KIAA0930: variants seen among roughly 807,000 people sequenced by gnomAD.
The protein encoded by KIAA0930 is uncharacterized protein KIAA0930.
A neutral mutation model predicts 43.9 loss-of-function variants in KIAA0930; 24 were observed. That is an observed-to-expected ratio of 0.55 (90% CI 0.40 to 0.77). The LOEUF (loss-of-function observed/expected upper bound fraction) is 0.77, where lower values mean the gene tolerates loss of function less well. Among genes scored for constraint, KIAA0930 ranks in the 30% least tolerant of loss-of-function variants. The pLI, the probability that KIAA0930 is intolerant of heterozygous loss-of-function variation, is 0.00. For missense variants in KIAA0930, 461 were observed against 574.2 expected (o/e 0.80, Z 2.02); for synonymous variants, 259 against 216.4 (o/e 1.20, Z -1.73).
At chr22:45,237,941 GAC>G (rs2083896774) in intron 1 of KIAA0930, among the ~76,000 whole-genome samples, 2 of 147,324 alleles carry the variant, frequency 1.4e-5, no homozygotes, top group South Asian at 4.3e-4. Flanking sequence ...TTTTTTTTGA[GAC>G]AGAGTCTCAC....
rs1379277363 is a variant in KIAA0930, at chr22:45,193,003, A to G, written c.*4173T>C. ...TCACGTGGCACTCTGGCCACTGCTG[A>G]AGAGCTGCTCTCCCTCGAAGGGCAG... On this transcript the variant is annotated 3_prime_UTR_variant, in exon 10 of 10. Coordinates refer to ENST00000336156, the MANE Select transcript of KIAA0930 (RefSeq NM_001009880.2). 6.6e-6 allele frequency: 1 copy of G among 152,214 alleles called. No homozygotes were observed. The highest frequency in any genetic ancestry group is 2.4e-5 in the African/African-American group (1 of 41,462). The allele number at this position is 152,214 out of a possible 1,614,324, so 9.4% of individuals were successfully genotyped here. A position where few individuals can be genotyped will look rare whatever the true frequency, so the allele number is the denominator to read the frequency against.
intron 1 of KIAA0930, among the ~76,000 whole-genome samples, chr22:45,213,881 G>A (rs1601818043): frequency 6.6e-6 from 1 of 152,264 alleles, no homozygotes. Context: ...ATGGTGGCGG[G>A]TGCCTGTAAT....
intron 1 of KIAA0930, among the ~76,000 whole-genome samples, chr22:45,219,585 T>G (rs977397918): frequency 3.5e-5 from 3 of 85,640 alleles, no homozygotes; most frequent in African/African-American, 1.3e-4. Context: ...GGTGATTGTT[T>G]TTTTTTTTTT....
At chr22:45,204,645 G>A (rs1365619831) in intron 5 of KIAA0930, among the ~76,000 whole-genome samples, 2 of 151,912 alleles carry the variant, frequency 1.3e-5, no homozygotes, top group African/African-American at 4.8e-5. Context: ...CCCCGACCAG[G>A]GCCTCAACAG....
chr22:45,198,685 T>C (rs2083559021), intron 8 of KIAA0930, among the ~76,000 whole-genome samples: 2 of 150,044 alleles, frequency 1.3e-5, no homozygotes, highest in South Asian at 4.6e-4. Context: ...GGAATCTCAC[T>C]CTTGCCCAGG....
chr22:45,213,250 A>G lies in KIAA0930; in HGVS notation c.65-1143T>C, dbSNP rs2083709905. Reference sequence around the variant, plus strand: ...AGAACCAGGACTCACAGCCAGCCCCAGCCCTCGGCCCTCAGCCCTCAGCCC... The same window carrying G: ...AGAACCAGGACTCACAGCCAGCCCCGGCCCTCGGCCCTCAGCCCTCAGCCC... On this transcript the variant is annotated intron_variant, in intron 1 of 9. Transcript: ENST00000336156. The G allele has an allele frequency of 4.9e-6, 6 of 1,212,130 alleles. 1 individual carries two copies. The highest frequency in any genetic ancestry group is 6.6e-6 in the Non-Finnish European group (6 of 914,680). 75.1% of individuals were successfully genotyped at this position (1,212,130 alleles called of 1,614,324 possible).
intron 8 of KIAA0930, among the ~76,000 whole-genome samples, chr22:45,198,981 C>A (rs1006580696): frequency 3.3e-5 from 5 of 152,192 alleles, no homozygotes; most frequent in African/African-American, 1.2e-4. Context: ...TCAACAGACA[C>A]GCACACAGTG....
intron 1 of KIAA0930, among the ~76,000 whole-genome samples, chr22:45,237,956 T>C (rs1447211899): frequency 6.6e-6 from 1 of 151,666 alleles, no homozygotes; most frequent in Non-Finnish European, 1.5e-5. Flanking sequence ...AGTCTCACTC[T>C]GTAGCCCAGG....
rs1015213383 is a variant in KIAA0930 at position 45,192,598 on chromosome 22, C to T, written c.*4578G>A. The stretch of plus-strand genomic sequence containing the variant: ...ACCTATTTACACCTAAACTGCCTGG[C>T]CTTCCAGAGCGGGGACTAAAGGGGC... On this transcript the variant is annotated 3_prime_UTR_variant, in exon 10 of 10. Coordinates refer to ENST00000336156, the MANE Select transcript of KIAA0930 (RefSeq NM_001009880.2). 2 of 152,254 alleles carry T rather than the reference C, an allele frequency of 1.3e-5. No individual in the cohort carries two copies. The highest frequency in any genetic ancestry group is 2.9e-5 in the Non-Finnish European group (2 of 68,050). 9.4% of individuals were successfully genotyped at this position (152,254 alleles called of 1,614,324 possible).
chr22:45,210,141 A>C (rs1472675069), intron 2 of KIAA0930, among the ~76,000 whole-genome samples: 5 of 152,156 alleles, frequency 3.3e-5, no homozygotes, highest in Non-Finnish European at 7.4e-5. Flanking sequence ...TCTCAAATGC[A>C]CCAAGTCCTC....
chr22:45,216,027 C>CAG (rs1555899481), intron 1 of KIAA0930, among the ~76,000 whole-genome samples: 1 of 145,028 alleles, frequency 6.9e-6, no homozygotes, highest in African/African-American at 2.5e-5. Context: ...GACTCCGTCT[C>CAG]AAAAAAAAAA....
chr22:45,206,833 G>A (rs563046289), intron 2 of KIAA0930, among the ~76,000 whole-genome samples: 2 of 152,000 alleles, frequency 1.3e-5, no homozygotes, highest in East Asian at 3.9e-4. Context: ...TGAGTAGCTG[G>A]GATTACAGGC....
chr22:45,201,155 G>A (rs140114762), intron 7 of KIAA0930: 5,708 of 426,608 alleles, frequency 0.013, 60 homozygotes, highest in Middle Eastern at 0.033. Flanking sequence ...CCCACAAGCC[G>A]GGGAAGGTTT....
chr22:45,206,055 GC>G, intron 2 of KIAA0930, 143 bp from the exon 3 acceptor site: 1 of 1,415,112 alleles, frequency 7.1e-7, no homozygotes, highest in Non-Finnish European at 9.5e-7. Context: ...TCACACCGCT[GC>G]CCAGGCTAGA....
In KIAA0930 at chr22:45,212,471, G is replaced by C. The variant is rs542139486; in HGVS notation, c.65-364C>G. 1.0e-5 allele frequency: 15 copies of C among 1,445,396 alleles called. No homozygotes were observed. In the East Asian group the frequency reaches 1.3e-4, roughly 12 times the overall value. The allele number at this position is 1,445,396 out of a possible 1,614,324, so 89.5% of individuals were successfully genotyped here. ...GGTGTCTGGGCTGGAAGCCGGGAAGGCTTGGCTGGGGGGGAGCCTTTGGAG... is the reference window on the plus strand; with the variant it reads ...GGTGTCTGGGCTGGAAGCCGGGAAGCCTTGGCTGGGGGGGAGCCTTTGGAG... On this transcript the variant is annotated intron_variant, in intron 1 of 9. Coordinates refer to ENST00000336156, the MANE Select transcript of KIAA0930 (RefSeq NM_001009880.2).
chr22:45,225,614 G>A (rs2095226858), intron 1 of KIAA0930, among the ~76,000 whole-genome samples: 1 of 152,026 alleles, frequency 6.6e-6, no homozygotes, highest in South Asian at 2.1e-4. Flanking sequence ...CACACCACAG[G>A]GCACAGGGCA....
At chr22:45,229,394 G>A (rs1029469199) in intron 1 of KIAA0930, among the ~76,000 whole-genome samples, 9 of 100,992 alleles carry the variant, frequency 8.9e-5, no homozygotes, top group Non-Finnish European at 1.4e-4. Flanking sequence ...AGCTCCTCCT[G>A]TCACTCCCAG....
intron 1 of KIAA0930, among the ~76,000 whole-genome samples, chr22:45,228,558 C>G (rs74408194): frequency 0.034 from 5,172 of 152,238 alleles, 138 homozygotes; most frequent in Non-Finnish European, 0.049. Flanking sequence ...AGAAGCGGCT[C>G]AGCAAATTAC....
chr22:45,221,877 G>C (rs2147756740), intron 1 of KIAA0930, among the ~76,000 whole-genome samples: 1 of 152,286 alleles, frequency 6.6e-6, no homozygotes, highest in East Asian at 1.9e-4. Context: ...TGGGACTACA[G>C]GCATGCGCAA....
Sources: gnomAD v4.1 joint callset for allele counts (sites outside exome capture counted in the v4.1 genomes callset) on GRCh38, gnomAD v4.1.1 for gene constraint, MANE v1.5 for transcripts, NCBI Gene and HGNC (gene_info 2026-07-23, HGNC 2026-07-21) for gene names.